The following CCSER1 variants were observed in gnomAD, a reference collection of about 807,000 sequenced individuals.
The protein encoded by CCSER1 is coiled-coil serine rich protein 1.
CCSER1 carries 41 observed loss-of-function variants against 82.0 expected under a neutral mutation model. The ratio of observed to expected loss-of-function variants is 0.50; its 90% CI spans 0.39 to 0.65. The LOEUF (loss-of-function observed/expected upper bound fraction) is 0.65, where lower values mean the gene tolerates loss of function less well. Ranked by LOEUF, CCSER1 falls within the 30% of genes least tolerant of loss-of-function variation. The pLI, the probability that CCSER1 is intolerant of heterozygous loss-of-function variation, is 0.00. For synonymous variants in CCSER1, 414 were observed against 383.9 expected, an observed-to-expected ratio of 1.08 and a Z score of -0.92; for missense variants, 1,119 against 1,064.2, an observed-to-expected ratio of 1.05 and a Z score of -0.72.
chr4:91,327,708 A>G lies in CCSER1; in HGVS notation c.2217+241714A>G, dbSNP rs1186851920. ...CAAATTTTCCAAGCTTTTATGCTCT[A>G]CTTCCCCTTTAAATATAAGTTCCAA... On this transcript the variant is annotated intron_variant, in intron 10 of 10. Coordinates refer to ENST00000509176, the MANE Select transcript of CCSER1 (RefSeq NM_001145065.2). 4.6e-5 allele frequency among the ~76,000 whole-genome samples: 7 copies of G among 152,304 alleles called. 1 individual carries two copies. The Middle Eastern group carries it at 0.02, about 444-fold the overall frequency.
intron 3 of CCSER1, among the ~76,000 whole-genome samples, chr4:90,322,551 A>G (rs1370263452): frequency 6.6e-6 from 1 of 152,158 alleles, no homozygotes; most frequent in South Asian, 2.1e-4. Context: ...ATTGCATTCA[A>G]TCTGTAGATT....
At chr4:90,820,471 C>T (rs927545853) in intron 8 of CCSER1, among the ~76,000 whole-genome samples, 46 of 152,252 alleles carry the variant, frequency 3.0e-4, no homozygotes, top group African/African-American at 1.0e-3. Context: ...CTTGTCCTCA[C>T]ATGATAGAAA....
chr4:91,154,294 G>A (rs560856622), intron 10 of CCSER1, among the ~76,000 whole-genome samples: 1 of 152,186 alleles, frequency 6.6e-6, no homozygotes, highest in South Asian at 2.1e-4. Context: ...CTCCATGGGT[G>A]TGGGACCCTC....
rs140073403 is a variant in CCSER1, at chr4:91,126,393, G to A, written c.2217+40399G>A. ...TTCTTCTGTCTCTCCATTTGTCTAT[G>A]TATGTGTGTAATACAGGCTCATAAT... is the stretch of plus-strand genomic sequence containing the variant. On this transcript the variant is annotated intron_variant, in intron 10 of 10. Transcript: ENST00000509176. Among the ~76,000 whole-genome samples, 547 of 151,872 alleles carry A rather than the reference G, an allele frequency of 3.6e-3. 3 individuals are homozygous for A. The highest frequency in any genetic ancestry group is 0.013 in the African/African-American group (521 of 41,492).
intron 10 of CCSER1, among the ~76,000 whole-genome samples, chr4:91,506,961 C>A (rs1004109709): frequency 2.6e-5 from 4 of 152,192 alleles, no homozygotes; most frequent in African/African-American, 9.6e-5. Flanking sequence ...TAGCATGTAT[C>A]AATGCCTCAT....
At chr4:90,526,783 T>C (rs1773817780) in intron 5 of CCSER1, among the ~76,000 whole-genome samples, 1 of 152,180 alleles carries the variant, frequency 6.6e-6, no homozygotes, top group Non-Finnish European at 1.5e-5. Context: ...GATGGGCATT[T>C]GGGTTGGTTC....
At chr4:90,386,042 T>A (rs1289846484) in intron 3 of CCSER1, among the ~76,000 whole-genome samples, 1 of 152,198 alleles carries the variant, frequency 6.6e-6, no homozygotes, top group Admixed American at 6.5e-5. Flanking sequence ...CTCATTCTCA[T>A]GGATTAGATG....
chr4:90,725,807 C>A (rs889037670), intron 7 of CCSER1, among the ~76,000 whole-genome samples: 3 of 151,704 alleles, frequency 2.0e-5, no homozygotes, highest in African/African-American at 7.3e-5. Context: ...TTTAAGTTTT[C>A]TTATAACCAC....
At chr4:90,460,241 C>T (rs367641507) in intron 4 of CCSER1, among the ~76,000 whole-genome samples, 2,206 of 137,088 alleles carry the variant, frequency 0.016, 122 homozygotes, top group African/African-American at 0.065. Context: ...AGGAGAATGG[C>T]GTGAACCCGG....
chr4:91,593,548 G>A (rs1331078126), intron 10 of CCSER1, among the ~76,000 whole-genome samples: 6 of 128,474 alleles, frequency 4.7e-5, no homozygotes, highest in Admixed American at 2.0e-4. Context: ...TCTTGACCTC[G>A]TGATCCGCCC....
chr4:90,819,477 T>C (rs1759459727), intron 8 of CCSER1, among the ~76,000 whole-genome samples: 2 of 152,170 alleles, frequency 1.3e-5, no homozygotes, highest in South Asian at 4.1e-4. Flanking sequence ...GTTTCAAAAA[T>C]TATTCTTTTC....
intron 10 of CCSER1, among the ~76,000 whole-genome samples, chr4:91,245,180 T>C (rs1019194479): frequency 1.3e-5 from 2 of 152,078 alleles, no homozygotes; most frequent in Non-Finnish European, 2.9e-5. Flanking sequence ...GTAAGAGTAA[T>C]TGGTTTTAAA....
chr4:91,440,160 A>G (rs955272033), intron 10 of CCSER1, among the ~76,000 whole-genome samples: 5 of 152,198 alleles, frequency 3.3e-5, no homozygotes, highest in African/African-American at 1.2e-4. Flanking sequence ...AACAGAATAT[A>G]CATTTTTTTC....
rs576825559 is a variant in CCSER1, at chr4:90,425,338, C to G, written c.1603+25209C>G. Among the ~76,000 whole-genome samples, 298 of 151,928 alleles carry G rather than the reference C, an allele frequency of 2.0e-3. 1 individual carries two copies. Among genetic ancestry groups the G allele is most frequent in the African/African-American group, 6.9e-3 (285 of 41,398 alleles). On this transcript the variant is annotated intron_variant, in intron 4 of 10. Transcript: ENST00000509176. ...AGAGAGAGAGAGAGGAAGAGAGAGA[C>G]AGAGAGTATTCAAGAGTTTCATTTT...
intron 10 of CCSER1, among the ~76,000 whole-genome samples, chr4:91,227,696 A>C (rs1439465597): frequency 6.6e-6 from 1 of 151,628 alleles, no homozygotes; most frequent in Admixed American, 6.6e-5. Context: ...TGGAGTCCAC[A>C]GTGTCCATTG....
intron 5 of CCSER1, among the ~76,000 whole-genome samples, chr4:90,484,202 G>T (rs944834796): frequency 1.4e-5 from 2 of 147,604 alleles, no homozygotes; most frequent in Non-Finnish European, 3.0e-5. Context: ...CGTAGTTCTC[G>T]TGCGTGGTTT....
chr4:91,171,982 T>C (rs968318205), intron 10 of CCSER1, among the ~76,000 whole-genome samples: 3 of 152,156 alleles, frequency 2.0e-5, no homozygotes, highest in Non-Finnish European at 4.4e-5. Flanking sequence ...AAAGATATTC[T>C]GATCTTCTTT....
intron 10 of CCSER1, among the ~76,000 whole-genome samples, chr4:91,374,677 T>G (rs964277873): frequency 2.0e-5 from 3 of 152,326 alleles, no homozygotes; most frequent in African/African-American, 7.2e-5. Context: ...AGGAATAATT[T>G]TGACTTTCAA....
chr4:90,978,236 A>G (rs1428303149), intron 9 of CCSER1, among the ~76,000 whole-genome samples: 6 of 151,666 alleles, frequency 4.0e-5, no homozygotes, highest in African/African-American at 1.2e-4. Flanking sequence ...TCACTTAATC[A>G]TTTATATTTT....
Sources: gnomAD v4.1 joint callset for allele counts (sites outside exome capture counted in the v4.1 genomes callset) on GRCh38, gnomAD v4.1.1 for gene constraint, MANE v1.5 for transcripts, NCBI Gene and HGNC (gene_info 2026-07-23, HGNC 2026-07-21) for gene names.